The following IL1RL1 variants were observed in gnomAD, a reference collection of about 807,000 sequenced individuals.
The protein encoded by IL1RL1 is interleukin 1 receptor like 1, also known as interleukin-1 receptor-like 1.
Under a neutral mutation model 50.9 loss-of-function variants are expected in IL1RL1, and 32 were observed. That is an observed-to-expected ratio of 0.63 (90% CI 0.47 to 0.84). The LOEUF (loss-of-function observed/expected upper bound fraction) is 0.84. Among genes scored for constraint, IL1RL1 ranks in the 40% least tolerant of loss-of-function variants. IL1RL1 has a pLI of 0.00. For synonymous variants in IL1RL1, 275 were observed against 236.0 expected (o/e 1.17, Z -1.51); for missense variants, 773 against 662.9 (o/e 1.17, Z -1.82).
chr2:102,326,732 C>G (rs961577407), intron 1 of IL1RL1, among the ~76,000 whole-genome samples: 5 of 151,954 alleles, frequency 3.3e-5, no homozygotes, highest in African/African-American at 1.2e-4. Context: ...GACTTTAAAC[C>G]AACAAAGATC....
At chr2:102,313,894 G>T (rs533191216) in intron 1 of IL1RL1, among the ~76,000 whole-genome samples, 1 of 152,286 alleles carries the variant, frequency 6.6e-6, no homozygotes, top group South Asian at 2.1e-4. Context: ...CAGGTTGGTG[G>T]AAAAGATCCC....
intron 1 of IL1RL1, among the ~76,000 whole-genome samples, chr2:102,325,141 C>G (rs1676958633): frequency 6.6e-6 from 1 of 152,172 alleles, no homozygotes; most frequent in Non-Finnish European, 1.5e-5. Flanking sequence ...CTGGGTACTC[C>G]TCTGAGACAA....
At position 102,349,205 on chromosome 2, in the gene IL1RL1, A is replaced by G; in HGVS notation, c.1244A>G (p.Tyr415Cys). ...LPDVLENKCG[Y>C]TLCIYGRDML... The stretch of plus-strand genomic sequence containing the variant: ...GATGTTCTTGAAAATAAATGTGGCT[A>G]TACCTTATGCATTTATGGGAGAGAT... The change falls in exon 10 of 11, where the codon TAT becomes TGT. Residue 415 changes from tyrosine (Y) to cysteine (C), a missense_variant. Coordinates refer to ENST00000233954, the MANE Select transcript of IL1RL1 (RefSeq NM_016232.5). The G allele has an allele frequency of 6.2e-7, 1 of 1,613,894 alleles. No individual in the cohort carries two copies.
At chr2:102,322,841 A>G (rs780479041) in intron 1 of IL1RL1, among the ~76,000 whole-genome samples, 14 of 152,154 alleles carry the variant, frequency 9.2e-5, no homozygotes, top group Non-Finnish European at 1.9e-4. Flanking sequence ...AGTTTCCAGC[A>G]TGATAGATTA....
chr2:102,317,064 A>C (rs1244583468), intron 1 of IL1RL1, among the ~76,000 whole-genome samples: 1 of 152,228 alleles, frequency 6.6e-6, no homozygotes, highest in Admixed American at 6.5e-5. Context: ...TTTAAAATTA[A>C]AATGTTTCAG....
chr2:102,329,399 T>G (rs1398478290), intron 1 of IL1RL1, among the ~76,000 whole-genome samples: 5 of 152,094 alleles, frequency 3.3e-5, no homozygotes, highest in Non-Finnish European at 7.4e-5. Flanking sequence ...GAAGAAAACC[T>G]AGGCAATACC....
At chr2:102,349,293 A>T in intron 10 of IL1RL1, 47 bp downstream of exon 10, 1 of 1,547,416 alleles carries the variant, frequency 6.5e-7, no homozygotes, top group East Asian at 2.2e-5. Context: ...TGCTTATTAA[A>T]GGCTGTGAAC....
chr2:102,351,578 G>C lies in IL1RL1; in HGVS notation c.1328G>C (p.Arg443Pro), dbSNP rs780040866. The C allele has an allele frequency of 6.2e-7, 1 of 1,614,010 alleles. No homozygotes were observed. Among genetic ancestry groups the C allele is most frequent in the Non-Finnish European group, 8.5e-7 (1 of 1,179,956 alleles). The change falls in exon 11 of 11, where the codon CGG becomes CCG. Residue 443 changes from arginine (R) to proline (P), a missense_variant. Physicochemically the swap from Arg to Pro is moderately radical, Grantham distance 103. Transcript: ENST00000233954. ...AVETNIRKSR[R>P]HIFILTPQIT... ...GAAACCAACATACGAAAGAGCAGGC[G>C]GCACATTTTCATCCTGACCCCTCAG...
intron 3 of IL1RL1, 111 bp from the exon 4 acceptor site, chr2:102,339,987 G>A (rs947518170): frequency 3.9e-6 from 2 of 508,882 alleles, no homozygotes; most frequent in Admixed American, 4.0e-5. Flanking sequence ...TAACCATTAT[G>A]TATATTGATG....
intron 1 of IL1RL1, among the ~76,000 whole-genome samples, chr2:102,320,802 G>GCCAC (rs1462036276): frequency 6.6e-6 from 1 of 152,252 alleles, no homozygotes; most frequent in African/African-American, 2.4e-5. Flanking sequence ...CCTGGTCATA[G>GCCAC]CCACCGTCTC....
chr2:102,315,555 G>A (rs1011278024), intron 1 of IL1RL1, among the ~76,000 whole-genome samples: 1 of 152,218 alleles, frequency 6.6e-6, no homozygotes, highest in Non-Finnish European at 1.5e-5. Context: ...AGACTTTAGT[G>A]AGGAATTCCC....
At chr2:102,350,236 T>C (rs150701500) in intron 10 of IL1RL1, among the ~76,000 whole-genome samples, 1 of 152,262 alleles carries the variant, frequency 6.6e-6, no homozygotes, top group African/African-American at 2.4e-5. Context: ...ACAAATGTAC[T>C]CAAGAACCTG....
chr2:102,332,529 A>T (rs572858201), intron 1 of IL1RL1, among the ~76,000 whole-genome samples: 50 of 152,352 alleles, frequency 3.3e-4, no homozygotes, highest in African/African-American at 1.2e-3. Context: ...TGGAAAGATT[A>T]TGCTAAGTGA....
chr2:102,342,187 G>A (rs1677593611), intron 5 of IL1RL1, 36 bp from the exon 6 acceptor site: 1 of 1,403,828 alleles, frequency 7.1e-7, no homozygotes, highest in South Asian at 1.2e-5. Context: ...AGCATTCAAT[G>A]CTCTCCTAAT....
At chr2:102,350,814 A>C (rs1677906768) in intron 10 of IL1RL1, among the ~76,000 whole-genome samples, 1 of 152,182 alleles carries the variant, frequency 6.6e-6, no homozygotes, top group Admixed American at 6.5e-5. Context: ...TGCCTCATGC[A>C]TCTGCAATCC....
intron 2 of IL1RL1, 68 bp from the exon 3 acceptor site, chr2:102,338,769 G>C: frequency 8.4e-7 from 1 of 1,194,268 alleles, no homozygotes; most frequent in Admixed American, 2.0e-5. Context: ...AGAAAATATT[G>C]AGAGTATAAG....
chr2:102,343,554 T>C (rs985084342), intron 8 of IL1RL1, 139 bp downstream of exon 8: 1 of 1,556,066 alleles, frequency 6.4e-7, no homozygotes, highest in African/African-American at 1.4e-5. Flanking sequence ...TTCGGGATGT[T>C]GTTTGCTGTC....
At chr2:102,323,423 G>A (rs1676897515) in intron 1 of IL1RL1, among the ~76,000 whole-genome samples, 1 of 151,916 alleles carries the variant, frequency 6.6e-6, no homozygotes, top group Non-Finnish European at 1.5e-5. Flanking sequence ...TAATACCTGA[G>A]GCTGGGTAAT....
intron 1 of IL1RL1, among the ~76,000 whole-genome samples, chr2:102,334,532 T>C (rs569201664): frequency 1.2e-4 from 18 of 147,912 alleles, no homozygotes; most frequent in Non-Finnish European, 2.4e-4. Flanking sequence ...TTTTCATCAA[T>C]AAAAAAAAAT....
Sources: allele counts gnomAD v4.1 joint callset (sites outside exome capture counted in the v4.1 genomes callset), GRCh38; gene constraint gnomAD v4.1.1; transcripts MANE v1.5; gene names NCBI Gene and HGNC (gene_info 2026-07-23, HGNC 2026-07-21).